SUSD3: variants seen among roughly 807,000 people sequenced by gnomAD.
SUSD3 encodes the protein sushi domain-containing protein 3.
A neutral mutation model predicts 20.6 loss-of-function variants in SUSD3; 18 were observed. That is an observed-to-expected ratio of 0.87 (90% CI 0.60 to 1.30). SUSD3 has a LOEUF of 1.30. Ranked by LOEUF, SUSD3 falls within the 50% of genes most tolerant of loss-of-function variation. The pLI is 0.00. For synonymous variants in SUSD3, 137 were observed against 141.5 expected (o/e 0.97, Z 0.23); for missense variants, 306 against 346.9 (o/e 0.88, Z 0.94).
chr9:93,069,048 T>G (rs889448314), intron 1 of SUSD3: 1 of 700,206 alleles, frequency 1.4e-6, no homozygotes, highest in Non-Finnish European at 2.6e-6. Flanking sequence ...GTACTCACCC[T>G]TCTTGCGATG....
chr9:93,066,081 C>T (rs1231542955), intron 1 of SUSD3, among the ~76,000 whole-genome samples: 1 of 152,214 alleles, frequency 6.6e-6, no homozygotes, highest in African/African-American at 2.4e-5. Flanking sequence ...ACCATGCCCT[C>T]CATCCCCCTG....
chr9:93,061,078 T>C (rs1444204386), intron 1 of SUSD3, among the ~76,000 whole-genome samples: 2 of 152,220 alleles, frequency 1.3e-5, no homozygotes, highest in East Asian at 3.9e-4. Flanking sequence ...GTTGTATGAC[T>C]GGCCCCTGGC....
At chr9:93,062,282 C>G (rs10992620) in intron 1 of SUSD3, among the ~76,000 whole-genome samples, 8,959 of 152,336 alleles carry the variant, frequency 0.059, 338 homozygotes, top group South Asian at 0.11. Context: ...GTGGGAGGGC[C>G]AGGCAGGGCC....
intron 1 of SUSD3, among the ~76,000 whole-genome samples, chr9:93,064,228 A>G (rs764804230): frequency 9.9e-5 from 15 of 152,068 alleles, no homozygotes; most frequent in Non-Finnish European, 2.1e-4. Context: ...TTGTATTTTT[A>G]ATAGAGACAG....
chr9:93,060,676 CA>C (rs904117531), intron 1 of SUSD3, among the ~76,000 whole-genome samples: 138 of 148,302 alleles, frequency 9.3e-4, no homozygotes, highest in African/African-American at 3.3e-3. Context: ...ACAAAAAATG[CA>C]AAAAAAAAAT....
chr9:93,063,942 A>G (rs1455043068), intron 1 of SUSD3, among the ~76,000 whole-genome samples: 2 of 152,076 alleles, frequency 1.3e-5, no homozygotes, highest in Admixed American at 1.3e-4. Context: ...TGTATTCCAA[A>G]TCGTTCTATA....
At chr9:93,073,979 G>GATA (rs1015427733) in intron 1 of SUSD3, among the ~76,000 whole-genome samples, 1 of 152,182 alleles carries the variant, frequency 6.6e-6, no homozygotes, top group African/African-American at 2.4e-5. Context: ...TGTCGATGGG[G>GATA]ATAATGATGG....
chr9:93,078,571 C>T (rs563489920), intron 3 of SUSD3, among the ~76,000 whole-genome samples: 1 of 152,082 alleles, frequency 6.6e-6, no homozygotes, highest in Admixed American at 6.5e-5. Flanking sequence ...CCGTTTTATT[C>T]TTAAACCTGC....
chr9:93,077,699 C>G lies in SUSD3; in HGVS notation c.278-147C>G. On this transcript the variant is annotated intron_variant, in intron 2 of 4. Transcript: ENST00000375472. ...TCAGCCCCCAGCACCTCACTGCCCC[C>G]TTACCATGCAAACAGGGCTCACTGA... 3 of 748,056 alleles carry G rather than the reference C, an allele frequency of 4.0e-6. No homozygotes were observed. The South Asian group carries it at 5.3e-5, about 13-fold the overall frequency. The allele number at this position is 748,056 out of a possible 1,614,324, so 46.3% of individuals were successfully genotyped here.
intron 1 of SUSD3, 44 bp from the exon 2 acceptor site, chr9:93,075,740 A>T (rs978026431): frequency 7.5e-5 from 11 of 147,312 alleles, no homozygotes; most frequent in Admixed American, 1.4e-4. Context: ...CTGCGTGCCC[A>T]CCCCCCCCCC....
At chr9:93,064,533 T>C (rs915396688) in intron 1 of SUSD3, among the ~76,000 whole-genome samples, 2 of 152,202 alleles carry the variant, frequency 1.3e-5, no homozygotes, top group Non-Finnish European at 2.9e-5. Context: ...ACCTGGCGGC[T>C]GAGAACACAG....
At chr9:93,076,183 G>A (rs138475963) in intron 2 of SUSD3, among the ~76,000 whole-genome samples, 19 of 152,320 alleles carry the variant, frequency 1.2e-4, no homozygotes, top group South Asian at 1.2e-3. Flanking sequence ...TTGGCAGCAC[G>A]GACCGAAAAC....
Position 93,077,894 on chromosome 9 carries a change from C to G in SUSD3, c.326C>G (p.Ser109Cys), listed in dbSNP as rs1047003058. 6 of 1,614,232 alleles carry G rather than the reference C, an allele frequency of 3.7e-6. No individual in the cohort carries two copies. Among genetic ancestry groups the G allele is most frequent in the Non-Finnish European group, 5.1e-6 (6 of 1,180,022 alleles). ...GGCTTCAAGGTGGCCGTGATCGCCT[C>G]CATTGTGAGCTGTGCCATCATCCTG... Reference protein sequence around the residue: ...TFGFKVAVIASIVSCAIILLM... With the variant: ...TFGFKVAVIACIVSCAIILLM... Residue 109 changes from serine (S) to cysteine (C), a missense_variant, in exon 3 of 5, where the codon TCC (serine) becomes TGC (cysteine). Physicochemically the swap from Ser to Cys is moderately radical, Grantham distance 112. Transcript: ENST00000375472.
chr9:93,081,057 C>T (rs537763567), intron 4 of SUSD3, among the ~76,000 whole-genome samples: 1 of 152,312 alleles, frequency 6.6e-6, no homozygotes, highest in African/African-American at 2.4e-5. Flanking sequence ...TGCCCCTTCC[C>T]CCACATTATT....
chr9:93,061,278 C>T (rs10992618), intron 1 of SUSD3, among the ~76,000 whole-genome samples: 8,956 of 152,326 alleles, frequency 0.059, 338 homozygotes, highest in South Asian at 0.11. Flanking sequence ...TGCCCCAGAA[C>T]TGGACTGTGT....
Position 93,084,543 on chromosome 9 carries a change from T to C in SUSD3, c.564T>C (p.His188=), listed in dbSNP as rs763747001. ...ATGCCTCCTCTCTCCACAGAGACCA[T>C]GGTGAGAGCACCAGCAAGCTGGCCA... ...AHDNHSFTTD[H]GESTSKLASV... is the part of the protein sequence containing the mutation. Residue 188 remains histidine (H), a synonymous_variant, in exon 5 of 5, where the codon CAT becomes CAC. Coordinates refer to ENST00000375472, the MANE Select transcript of SUSD3 (RefSeq NM_145006.4). 2 of 1,590,924 alleles carry C rather than the reference T, an allele frequency of 1.3e-6. No individual in the cohort carries two copies. The highest frequency in any genetic ancestry group is 1.1e-5 in the South Asian group (1 of 87,626).
intron 1 of SUSD3, among the ~76,000 whole-genome samples, chr9:93,074,976 A>G (rs959820215): frequency 6.6e-6 from 1 of 152,166 alleles, no homozygotes; most frequent in Non-Finnish European, 1.5e-5. Context: ...TGCATTTACC[A>G]AATGCTCTGC....
chr9:93,063,659 G>C (rs1825592150), intron 1 of SUSD3, among the ~76,000 whole-genome samples: 1 of 152,136 alleles, frequency 6.6e-6, no homozygotes, highest in Non-Finnish European at 1.5e-5. Flanking sequence ...TGGCCACCCT[G>C]AGGAGGCAGG....
At chr9:93,067,110 A>G (rs945129899) in intron 1 of SUSD3, among the ~76,000 whole-genome samples, 2 of 152,202 alleles carry the variant, frequency 1.3e-5, no homozygotes, top group Non-Finnish European at 2.9e-5. Context: ...TCTGACAGCC[A>G]CTAATCTGCT....
Sources: allele counts gnomAD v4.1 joint callset (sites outside exome capture counted in the v4.1 genomes callset), GRCh38; gene constraint gnomAD v4.1.1; transcripts MANE v1.5; gene names NCBI Gene and HGNC (gene_info 2026-07-23, HGNC 2026-07-21).